LCORL: variants seen among roughly 807,000 people sequenced by gnomAD.
The protein encoded by LCORL is ligand-dependent nuclear receptor corepressor-like protein.
In LCORL, 41 loss-of-function variants were observed where a neutral mutation model predicts 141.8. The observed-to-expected ratio is 0.29, with a 90% CI of 0.23 to 0.38. The LOEUF (loss-of-function observed/expected upper bound fraction) is 0.38. Ranked by LOEUF, LCORL falls within the 10% of genes least tolerant of loss-of-function variation. The pLI is 1.00. For synonymous variants in LCORL, 618 were observed against 694.1 expected, an observed-to-expected ratio of 0.89 and a Z score of 1.72; for missense variants, 1,759 against 2,035.0, an observed-to-expected ratio of 0.86 and a Z score of 2.61.
intron 4 of LCORL, among the ~76,000 whole-genome samples, chr4:17,910,435 C>G (rs1008074630): frequency 6.6e-6 from 1 of 152,128 alleles, no homozygotes; most frequent in Admixed American, 6.5e-5. Flanking sequence ...TGTAGAGATA[C>G]TAGTTCTCTA....
intron 4 of LCORL, among the ~76,000 whole-genome samples, chr4:17,945,319 CAG>C (rs1156703229): frequency 3.3e-5 from 5 of 151,758 alleles, no homozygotes; most frequent in African/African-American, 1.2e-4. Context: ...CAAAAAATAT[CAG>C]AATCACTCAT....
At chr4:17,988,942 C>T (rs1396885467) in intron 1 of LCORL, among the ~76,000 whole-genome samples, 1 of 152,178 alleles carries the variant, frequency 6.6e-6, no homozygotes, top group Admixed American at 6.5e-5. Context: ...CGAGATCACG[C>T]CACTGCACTC....
intron 5 of LCORL, among the ~76,000 whole-genome samples, chr4:17,898,052 G>GT (rs1237638182): frequency 6.6e-6 from 1 of 151,904 alleles, no homozygotes; most frequent in East Asian, 1.9e-4. Flanking sequence ...GATGTTGCTT[G>GT]TTTTTTCTCT....
intron 5 of LCORL, among the ~76,000 whole-genome samples, chr4:17,897,107 T>G (rs950857976): frequency 6.6e-6 from 1 of 151,478 alleles, no homozygotes; most frequent in Admixed American, 6.6e-5. Flanking sequence ...ATTTACTTTA[T>G]CCATTTGTCT....
rs1004389147 is a variant in LCORL at position 17,961,907 on chromosome 4, C to T, written c.426G>A (p.Lys142=). 8 of 1,607,144 alleles carry T rather than the reference C, an allele frequency of 5.0e-6. No homozygotes were observed. The Admixed American group carries it at 5.1e-5, about 10-fold the overall frequency. The change falls in exon 4 of 8, where the codon AAG becomes AAA. Residue 142 remains lysine, a synonymous_variant. Coordinates refer to ENST00000635767, the Ensembl canonical transcript of LCORL. ...GACAAAGCATACCAATATTACCTTT[C>T]TTTCGAAAGAGTGCATTTAGGTAAT...
chr4:17,886,009 G>A, intron 6 of LCORL, 59 bp downstream of exon 6: 1 of 954,370 alleles, frequency 1.0e-6, no homozygotes, highest in East Asian at 2.7e-5. Flanking sequence ...AGTATTAAGA[G>A]TTCTCTGCAG....
At chr4:17,889,789 A>C (rs1728821602) in intron 5 of LCORL, among the ~76,000 whole-genome samples, 1 of 152,070 alleles carries the variant, frequency 6.6e-6, no homozygotes, top group African/African-American at 2.4e-5. Context: ...ATTTATCTGA[A>C]TGGTGATTAC....
In LCORL at chr4:17,895,825, T is replaced by C. The variant is rs546718030; in HGVS notation, c.683-9664A>G. Reference sequence around the variant, plus strand: ...ATTTGGTCTTTTTTGACTGGCTGCTTTTACTTAGCACAATGTTTTTAAGGT... The same window carrying C: ...ATTTGGTCTTTTTTGACTGGCTGCTCTTACTTAGCACAATGTTTTTAAGGT... On this transcript the variant is annotated intron_variant, in intron 5 of 7. Coordinates refer to ENST00000635767, the Ensembl canonical transcript of LCORL. 3.9e-5 allele frequency among the ~76,000 whole-genome samples: 6 copies of C among 152,320 alleles called. No homozygotes were observed. In the South Asian group the frequency reaches 1.0e-3, roughly 26 times the overall value.
chr4:18,009,130 T>C lies in LCORL; in HGVS notation c.154+12468A>G, dbSNP rs182982757. Among the ~76,000 whole-genome samples, 20 of 152,198 alleles carry C rather than the reference T, an allele frequency of 1.3e-4. No homozygotes were observed. The East Asian group carries it at 3.9e-3, about 29-fold the overall frequency. ...GTGTATGTATACATACACATACATT[T>C]CTATATCTATATATGATGAAAACCA... On this transcript the variant is annotated intron_variant, in intron 1 of 7. Transcript: ENST00000635767.
intron 7 of LCORL, among the ~76,000 whole-genome samples, chr4:17,861,948 A>G (rs1274036282): frequency 6.6e-6 from 1 of 152,124 alleles, no homozygotes; most frequent in Non-Finnish European, 1.5e-5. Flanking sequence ...TATTGTCCCT[A>G]TTGCTATCAG....
At chr4:17,901,912 GTAAGAA>G (rs1476329060) in intron 5 of LCORL, among the ~76,000 whole-genome samples, 2 of 152,134 alleles carry the variant, frequency 1.3e-5, no homozygotes, top group South Asian at 2.1e-4. Flanking sequence ...CTAAATATGA[GTAAGAA>G]TAAGAATATC....
At chr4:17,960,360 G>C (rs1398730091) in intron 4 of LCORL, 2 of 154,202 alleles carry the variant, frequency 1.3e-5, no homozygotes, top group Non-Finnish European at 2.9e-5. Context: ...GGGCAATGGA[G>C]CATAGGCTAA....
intron 4 of LCORL, among the ~76,000 whole-genome samples, chr4:17,949,216 T>C (rs751690687): frequency 2.6e-4 from 39 of 152,066 alleles, no homozygotes; most frequent in Non-Finnish European, 5.2e-4. Context: ...ATCTTTTGAC[T>C]ACGTGTACAA....
chr4:17,941,762 A>C (rs774270030), intron 4 of LCORL, among the ~76,000 whole-genome samples: 2 of 152,188 alleles, frequency 1.3e-5, no homozygotes, highest in Non-Finnish European at 1.5e-5. Flanking sequence ...ACATTACCCC[A>C]ATGTTCATAT....
At chr4:17,998,084 C>G (rs1397004035) in intron 1 of LCORL, among the ~76,000 whole-genome samples, 1 of 151,946 alleles carries the variant, frequency 6.6e-6, no homozygotes, top group African/African-American at 2.4e-5. Context: ...ATACTGTAGG[C>G]AATTGTATTT....
At chr4:17,907,909 T>C (rs1037786583) in intron 5 of LCORL, among the ~76,000 whole-genome samples, 4 of 152,258 alleles carry the variant, frequency 2.6e-5, no homozygotes, top group African/African-American at 7.2e-5. Flanking sequence ...TATTGTCACA[T>C]AAATACTTGC....
At chr4:17,943,774 C>T (rs1738368461) in intron 4 of LCORL, among the ~76,000 whole-genome samples, 1 of 152,030 alleles carries the variant, frequency 6.6e-6, no homozygotes, top group Admixed American at 6.6e-5. Flanking sequence ...AATCATAGGA[C>T]CTTTGGTTTT....
exon 7 of LCORL, chr4:17,875,036 T>C: frequency 8.1e-7 from 1 of 1,233,670 alleles, no homozygotes; most frequent in Non-Finnish European, 1.0e-6. Flanking sequence ...TCATACGTTT[T>C]GATCCATTTT....
At chr4:17,846,752 CCA>C (rs946934731) in intron 7 of LCORL, among the ~76,000 whole-genome samples, 4 of 152,124 alleles carry the variant, frequency 2.6e-5, no homozygotes, top group Non-Finnish European at 5.9e-5. Context: ...CTAAATGTTC[CCA>C]CATAGGGAAC....
Sources: allele counts gnomAD v4.1 joint callset (sites outside exome capture counted in the v4.1 genomes callset), GRCh38; gene constraint gnomAD v4.1.1; transcripts MANE v1.5; gene names NCBI Gene and HGNC (gene_info 2026-07-23, HGNC 2026-07-21).